Variants in SOCS2 observed in about 807,000 individuals in gnomAD.
SOCS2 encodes the protein suppressor of cytokine signaling 2.
Under a neutral mutation model 18.6 loss-of-function variants are expected in SOCS2, and 10 were observed. The ratio of observed to expected loss-of-function variants is 0.54; its 90% CI spans 0.33 to 0.91. The LOEUF (loss-of-function observed/expected upper bound fraction) is 0.91. SOCS2 is among the 40% of genes least tolerant of loss of function. The pLI, the probability that SOCS2 is intolerant of heterozygous loss-of-function variation, is 0.02. For missense variants in SOCS2, 231 were observed against 247.2 expected (o/e 0.93, Z 0.44); for synonymous variants, 104 against 104.0 (o/e 1.00, Z 0.00).
At chr12:93,580,292 G>A (rs1329581729), downstream of SOCS2, among the ~76,000 whole-genome samples, 1 of 152,068 alleles carries the variant, frequency 6.6e-6, no homozygotes, top group Non-Finnish European at 1.5e-5. Context: ...TTTAGTGTTT[G>A]GTCCAGAATG....
At chr12:93,573,176 C>A in intron 1 of SOCS2, 140 bp downstream of exon 1, 2 of 1,138,704 alleles carry the variant, frequency 1.8e-6, no homozygotes, top group South Asian at 1.4e-5. Flanking sequence ...AGAGCACGCT[C>A]GCAGGGTCCT....
downstream of SOCS2, chr12:93,576,809 T>C (rs1050223346): frequency 1.3e-5 from 2 of 152,222 alleles, no homozygotes; most frequent in Non-Finnish European, 2.9e-5. Context: ...AAACATACTA[T>C]GTATATCCAA....
At chr12:93,614,488 C>CTTT in the SOCS2 span, among the ~76,000 whole-genome samples, 2 of 28,684 alleles carry the variant, frequency 7.0e-5, no homozygotes, top group African/African-American at 4.5e-4. Context: ...CCTTTCCTTC[C>CTTT]TTCCTTCCTT....
At chr12:93,573,100 A>C (rs754400663) in intron 1 of SOCS2, 64 bp downstream of exon 1, 2 of 1,532,186 alleles carry the variant, frequency 1.3e-6, no homozygotes, top group Non-Finnish European at 1.7e-6. Context: ...GCAGCTAGGA[A>C]GCGGGGTCGA....
the SOCS2 span, among the ~76,000 whole-genome samples, chr12:93,613,024 G>A: frequency 6.6e-6 from 1 of 152,194 alleles, no homozygotes; most frequent in Non-Finnish European, 1.5e-5. Context: ...AGACAAAGAC[G>A]GAAAACAGCT....
At chr12:93,603,584 T>A in the SOCS2 span, among the ~76,000 whole-genome samples, 2 of 152,226 alleles carry the variant, frequency 1.3e-5, no homozygotes, top group Non-Finnish European at 2.9e-5. Flanking sequence ...CTGGACTCAA[T>A]CAAGTTAAAT....
chr12:93,593,369 T>G, the SOCS2 span, among the ~76,000 whole-genome samples: 1 of 151,930 alleles, frequency 6.6e-6, no homozygotes, highest in Non-Finnish European at 1.5e-5. Context: ...GAGAAGGAGG[T>G]TTAAGAAAAG....
chr12:93,575,423 T>A lies in SOCS2; in HGVS notation c.*244T>A, dbSNP rs1036325768. The A allele has an allele frequency of 8.0e-6, 2 of 251,422 alleles. No homozygotes were observed. The highest frequency in any genetic ancestry group is 4.5e-5 in the African/African-American group (2 of 44,860). 15.6% of individuals were successfully genotyped at this position (251,422 alleles called of 1,614,324 possible). On this transcript the variant is annotated 3_prime_UTR_variant, in exon 2 of 2. Coordinates refer to ENST00000551556, the MANE Select transcript of SOCS2 (RefSeq NM_001270471.2). The stretch of plus-strand genomic sequence containing the variant: ...ACCAAGACCTGTTGATCCTTTTAGA[T>A]TAAAAATAAAATGTCGCATGTAAAG...
At chr12:93,614,534 TC>T in the SOCS2 span, among the ~76,000 whole-genome samples, 2 of 92,458 alleles carry the variant, frequency 2.2e-5, no homozygotes, top group Non-Finnish European at 3.9e-5. Context: ...CTTCCTTCCT[TC>T]CTTCCTTCTT....
At chr12:93,611,895 T>C in the SOCS2 span, among the ~76,000 whole-genome samples, 1 of 152,154 alleles carries the variant, frequency 6.6e-6, no homozygotes, top group Non-Finnish European at 1.5e-5. Context: ...AAAGGAGGCC[T>C]CCGTTGGTTT....
downstream of SOCS2, among the ~76,000 whole-genome samples, chr12:93,578,798 C>A (rs557042167): frequency 6.6e-6 from 1 of 152,164 alleles, no homozygotes; most frequent in South Asian, 2.1e-4. Context: ...AAAAGTTGCA[C>A]GCTCCTACCC....
At chr12:93,623,851 C>T in the SOCS2 span, among the ~76,000 whole-genome samples, 4 of 152,092 alleles carry the variant, frequency 2.6e-5, no homozygotes, top group African/African-American at 9.7e-5. Flanking sequence ...ATTACAGGCA[C>T]ACACCACCAT....
chr12:93,579,062 A>G (rs890834692), downstream of SOCS2, among the ~76,000 whole-genome samples: 4 of 152,204 alleles, frequency 2.6e-5, no homozygotes, highest in Non-Finnish European at 5.9e-5. Flanking sequence ...TTTAAAATCC[A>G]AAACCTCCCA....
chr12:93,623,881 T>C, the SOCS2 span, among the ~76,000 whole-genome samples: 1 of 152,076 alleles, frequency 6.6e-6, no homozygotes, highest in African/African-American at 2.4e-5. Context: ...ATTTTTGTAT[T>C]TTTAGTAAAG....
chr12:93,614,574 TC>T, the SOCS2 span, among the ~76,000 whole-genome samples: 1 of 82,222 alleles, frequency 1.2e-5, no homozygotes, highest in Non-Finnish European at 2.3e-5. Context: ...TTTCTTTCTT[TC>T]TTTCTTTCTT....
At chr12:93,571,912 G>T (rs933897861), upstream of SOCS2, 2 of 430,210 alleles carry the variant, frequency 4.6e-6, no homozygotes, top group South Asian at 1.6e-5. Context: ...GGCCGAGGTC[G>T]AGGTAAGAGC....
the SOCS2 span, among the ~76,000 whole-genome samples, chr12:93,616,556 A>C: frequency 6.6e-6 from 1 of 152,178 alleles, no homozygotes; most frequent in African/African-American, 2.4e-5. Context: ...TTAACTTTCA[A>C]ATGCTGTCCT....
At chr12:93,614,385 CT>C in the SOCS2 span, among the ~76,000 whole-genome samples, 1 of 137,156 alleles carries the variant, frequency 7.3e-6, no homozygotes, top group Admixed American at 7.4e-5. Context: ...TTCTTTCTTT[CT>C]TTCTTTCTTT....
chr12:93,593,045 T>C, the SOCS2 span, among the ~76,000 whole-genome samples: 1 of 151,906 alleles, frequency 6.6e-6, no homozygotes, highest in Non-Finnish European at 1.5e-5. Context: ...CCCCTTATCC[T>C]GGTTTCCTGC....
Sources: allele counts gnomAD v4.1 joint callset (sites outside exome capture counted in the v4.1 genomes callset), GRCh38; gene constraint gnomAD v4.1.1; transcripts MANE v1.5; gene names NCBI Gene and HGNC (gene_info 2026-07-23, HGNC 2026-07-21).